The following XKR6 variants were observed in gnomAD, a reference collection of about 807,000 sequenced individuals.
The protein encoded by XKR6 is XK-related protein 6.
A neutral mutation model predicts 56.7 loss-of-function variants in XKR6; 22 were observed. The observed-to-expected ratio is 0.39, with a 90% CI of 0.28 to 0.55. XKR6 has a LOEUF of 0.55. Ranked by LOEUF, XKR6 falls within the 20% of genes least tolerant of loss-of-function variation. The pLI is 0.66. For synonymous variants in XKR6, 524 were observed against 387.8 expected (o/e 1.35, Z -4.13); for missense variants, 852 against 889.0 (o/e 0.96, Z 0.53).
intron 1 of XKR6, chr8:11,106,839 A>T (rs1213569919): frequency 1.4e-5 from 2 of 147,294 alleles, no homozygotes; most frequent in African/African-American, 5.3e-5. Context: ...CAAGAGAGTG[A>T]GACTTCATCT....
intron 1 of XKR6, among the ~76,000 whole-genome samples, chr8:10,938,362 T>C (rs559914222): frequency 2.8e-4 from 43 of 152,362 alleles, no homozygotes; most frequent in African/African-American, 8.7e-4. Flanking sequence ...CCCCGTCTTC[T>C]GCATCGCTCA....
At chr8:10,925,435 A>T (rs955869065) in intron 1 of XKR6, among the ~76,000 whole-genome samples, 1 of 152,122 alleles carries the variant, frequency 6.6e-6, no homozygotes, top group Non-Finnish European at 1.5e-5. Context: ...ACAAGTAGGG[A>T]TCACATCCAG....
intron 1 of XKR6, among the ~76,000 whole-genome samples, chr8:10,928,825 T>A (rs1010580581): frequency 2.0e-5 from 3 of 152,162 alleles, no homozygotes; most frequent in Non-Finnish European, 4.4e-5. Flanking sequence ...ACCGCACCGT[T>A]CTCCAGGAAG....
At chr8:11,141,405 G>A (rs145018480) in intron 1 of XKR6, among the ~76,000 whole-genome samples, 121 of 152,284 alleles carry the variant, frequency 7.9e-4, no homozygotes, top group South Asian at 1.2e-3. Flanking sequence ...GGGATTCATG[G>A]CCTCACAAGC....
intron 1 of XKR6, among the ~76,000 whole-genome samples, chr8:11,158,981 G>A (rs964094060): frequency 4.6e-5 from 7 of 152,192 alleles, no homozygotes; most frequent in Non-Finnish European, 1.0e-4. Context: ...GTGATTAAAA[G>A]TGTGGCTTGT....
chr8:10,913,154 G>A (rs2129111891), intron 2 of XKR6, among the ~76,000 whole-genome samples: 1 of 149,534 alleles, frequency 6.7e-6, no homozygotes, highest in Non-Finnish European at 1.5e-5. Context: ...GTATGTATAT[G>A]TGTGTGTGTG....
chr8:11,119,904 C>A (rs1799363442), intron 1 of XKR6, among the ~76,000 whole-genome samples: 1 of 152,126 alleles, frequency 6.6e-6, no homozygotes. Flanking sequence ...TAAACGTAAT[C>A]CAGCATATAA....
chr8:10,976,524 G>T (rs1026945937), intron 1 of XKR6, among the ~76,000 whole-genome samples: 2 of 152,192 alleles, frequency 1.3e-5, no homozygotes, highest in Admixed American at 6.5e-5. Context: ...AGGGCTCCCT[G>T]TGCACGGAGG....
intron 2 of XKR6, among the ~76,000 whole-genome samples, chr8:10,918,471 T>C (rs1432747739): frequency 1.3e-5 from 2 of 152,246 alleles, no homozygotes; most frequent in South Asian, 4.1e-4. Context: ...CATGCCCAGC[T>C]TGGCCATGGC....
intron 1 of XKR6, among the ~76,000 whole-genome samples, chr8:11,112,248 T>C (rs1321114780): frequency 6.6e-6 from 1 of 152,216 alleles, no homozygotes; most frequent in African/African-American, 2.4e-5. Flanking sequence ...ATAACTAAAA[T>C]TATAGATTTT....
At chr8:11,066,894 T>C (rs1463755810) in intron 1 of XKR6, 1 of 152,052 alleles carries the variant, frequency 6.6e-6, no homozygotes, top group African/African-American at 2.4e-5. Context: ...GAACCCACAC[T>C]CCCATCCCCC....
At chr8:11,058,937 T>C (rs1055470136) in intron 1 of XKR6, among the ~76,000 whole-genome samples, 1 of 152,244 alleles carries the variant, frequency 6.6e-6, no homozygotes, top group Non-Finnish European at 1.5e-5. Context: ...ATGCACATTG[T>C]TCTTAATCTG....
chr8:11,188,673 T>G (rs556240251), intron 1 of XKR6, among the ~76,000 whole-genome samples: 2 of 152,158 alleles, frequency 1.3e-5, no homozygotes, highest in African/African-American at 4.8e-5. Flanking sequence ...AACTCTTCTG[T>G]TGACTACTCA....
At chr8:11,063,667 G>A (rs1292146128) in intron 1 of XKR6, among the ~76,000 whole-genome samples, 1 of 152,220 alleles carries the variant, frequency 6.6e-6, no homozygotes, top group African/African-American at 2.4e-5. Context: ...ACCAGTAAGG[G>A]TTAAATTTTA....
intron 1 of XKR6, among the ~76,000 whole-genome samples, chr8:11,149,180 C>T (rs1049744003): frequency 6.6e-6 from 1 of 152,138 alleles, no homozygotes. Context: ...GGAAAACATT[C>T]CGAGAAATGC....
At chr8:10,946,916 A>C (rs1027705354) in intron 1 of XKR6, among the ~76,000 whole-genome samples, 23 of 152,174 alleles carry the variant, frequency 1.5e-4, no homozygotes, top group African/African-American at 5.3e-4. Context: ...TAAGGGAAAG[A>C]GGGTGCTCCA....
intron 1 of XKR6, among the ~76,000 whole-genome samples, chr8:10,963,780 G>C (rs1329313197): frequency 6.6e-6 from 1 of 152,164 alleles, no homozygotes; most frequent in Non-Finnish European, 1.5e-5. Flanking sequence ...CTGGATTCAA[G>C]CAATCCTCCC....
At chr8:11,011,553 G>A (rs916969124) in intron 1 of XKR6, among the ~76,000 whole-genome samples, 3 of 152,198 alleles carry the variant, frequency 2.0e-5, no homozygotes, top group African/African-American at 7.2e-5. Flanking sequence ...AAACAGCAGA[G>A]AAGAAACAGG....
At chr8:11,021,339 G>C (rs1798744844) in intron 1 of XKR6, among the ~76,000 whole-genome samples, 1 of 152,200 alleles carries the variant, frequency 6.6e-6, no homozygotes, top group African/African-American at 2.4e-5. Context: ...CAGCTAAAGT[G>C]ATGGACTGCT....
Sources: allele counts gnomAD v4.1 joint callset (sites outside exome capture counted in the v4.1 genomes callset), GRCh38; gene constraint gnomAD v4.1.1; transcripts MANE v1.5; gene names NCBI Gene and HGNC (gene_info 2026-07-23, HGNC 2026-07-21).